The following ZNF277 variants were observed in gnomAD, a reference collection of about 807,000 sequenced individuals.
ZNF277 encodes the protein nuclear receptor-interacting factor 4.
Under a neutral mutation model 60.7 loss-of-function variants are expected in ZNF277, and 55 were observed. The observed-to-expected ratio is 0.91, with a 90% CI of 0.73 to 1.13. ZNF277 has a LOEUF of 1.13. Ranked by LOEUF, ZNF277 falls within the 50% of genes most tolerant of loss-of-function variation. The pLI is 0.00. For missense variants in ZNF277, 510 were observed against 523.0 expected, an observed-to-expected ratio of 0.98 and a Z score of 0.24; for synonymous variants, 178 against 179.3, an observed-to-expected ratio of 0.99 and a Z score of 0.06.
At chr7:112,320,167 C>T (rs1792943593) in intron 5 of ZNF277, among the ~76,000 whole-genome samples, 1 of 152,074 alleles carries the variant, frequency 6.6e-6, no homozygotes, top group African/African-American at 2.4e-5. Context: ...AGTATTTGAA[C>T]ATATTAAATA....
intron 4 of ZNF277, among the ~76,000 whole-genome samples, chr7:112,300,492 CAT>C (rs1792449623): frequency 6.6e-6 from 1 of 152,062 alleles, no homozygotes; most frequent in South Asian, 2.1e-4. Context: ...AATGTGTATA[CAT>C]ATGTTTCTCA....
intron 1 of ZNF277, among the ~76,000 whole-genome samples, chr7:112,281,611 T>A (rs1791946463): frequency 6.6e-6 from 1 of 152,228 alleles, no homozygotes; most frequent in Non-Finnish European, 1.5e-5. Context: ...GCACTAAACA[T>A]CTGGCTGTAA....
At chr7:112,255,237 T>G (rs2117015127) in intron 1 of ZNF277, among the ~76,000 whole-genome samples, 1 of 152,304 alleles carries the variant, frequency 6.6e-6, no homozygotes, top group Non-Finnish European at 1.5e-5. Context: ...GTAAAAAAAG[T>G]GATTTTTTTT....
chr7:112,320,672 A>G (rs1435342318), intron 5 of ZNF277, among the ~76,000 whole-genome samples: 1 of 152,084 alleles, frequency 6.6e-6, no homozygotes, highest in Non-Finnish European at 1.5e-5. Flanking sequence ...CTTTGAATCG[A>G]AAGTATATCT....
chr7:112,253,619 C>T (rs540952346), intron 1 of ZNF277, among the ~76,000 whole-genome samples: 5 of 152,260 alleles, frequency 3.3e-5, no homozygotes, highest in East Asian at 3.9e-4. Context: ...ATAGCTCATC[C>T]TTCCCATGTA....
At chr7:112,279,896 G>C (rs952724391) in intron 1 of ZNF277, among the ~76,000 whole-genome samples, 2 of 152,084 alleles carry the variant, frequency 1.3e-5, no homozygotes, top group Non-Finnish European at 2.9e-5. Flanking sequence ...AGGATGGATT[G>C]GTTGTGCTGT....
chr7:112,284,211 A>G (rs1792010121), intron 1 of ZNF277, among the ~76,000 whole-genome samples: 1 of 152,240 alleles, frequency 6.6e-6, no homozygotes, highest in Admixed American at 6.5e-5. Flanking sequence ...AATAGCAAGT[A>G]GCTGATAAAT....
At chr7:112,315,926 T>C (rs772550059) in intron 4 of ZNF277, among the ~76,000 whole-genome samples, 2 of 152,156 alleles carry the variant, frequency 1.3e-5, no homozygotes, top group Non-Finnish European at 2.9e-5. Context: ...TCCAGATCAC[T>C]GTCCCCTGGC....
chr7:112,249,500 T>G (rs1304890877), intron 1 of ZNF277, among the ~76,000 whole-genome samples: 4 of 151,960 alleles, frequency 2.6e-5, no homozygotes, highest in African/African-American at 9.7e-5. Flanking sequence ...CTTTGCAAAC[T>G]TAGTTGATAG....
Position 112,263,288 on chromosome 7 carries a change from T to G in ZNF277, c.92-23585T>G, listed in dbSNP as rs189816076. 2.2e-3 allele frequency among the ~76,000 whole-genome samples: 338 copies of G among 152,260 alleles called. 4 individuals carry two copies. Among genetic ancestry groups the G allele is most frequent in the Non-Finnish European group, 2.0e-3 (135 of 68,006 alleles). On this transcript the variant is annotated intron_variant, in intron 1 of 11. Transcript: ENST00000361822. ...AGGGTGTATGGGGATTGGGTCCCAT[T>G]AGCTATGGCAGTATAGTCATTAAAT...
At chr7:112,342,299 C>G (rs1483725336) in intron 11 of ZNF277, among the ~76,000 whole-genome samples, 1 of 152,094 alleles carries the variant, frequency 6.6e-6, no homozygotes, top group Non-Finnish European at 1.5e-5. Context: ...GGCCAGCGGA[C>G]AACTCCAGAG....
chr7:112,342,730 G>T lies in ZNF277; in HGVS notation c.*1G>T. ...TATTTTGAACCAGTTGCTACTATAA[G>T]AGTACTTGAAAACCTAGAAGAAACT... On this transcript the variant is annotated 3_prime_UTR_variant, in exon 12 of 12. Coordinates refer to ENST00000361822, the MANE Select transcript of ZNF277 (RefSeq NM_021994.3). 1 of 1,584,630 alleles carries T rather than the reference G, an allele frequency of 6.3e-7. No individual in the cohort carries two copies. The highest frequency in any genetic ancestry group is 1.1e-5 in the South Asian group (1 of 87,016).
intron 5 of ZNF277, among the ~76,000 whole-genome samples, chr7:112,318,628 A>G (rs924637862): frequency 3.3e-5 from 5 of 152,114 alleles, no homozygotes; most frequent in African/African-American, 2.4e-5. Flanking sequence ...TATTAAAAAT[A>G]AAGACATAAA....
chr7:112,277,208 T>C (rs984532163), intron 1 of ZNF277, among the ~76,000 whole-genome samples: 1 of 148,786 alleles, frequency 6.7e-6, no homozygotes, highest in Non-Finnish European at 1.5e-5. Flanking sequence ...CTCAGCCCCC[T>C]GAGTAGCTGG....
intron 5 of ZNF277, 54 bp from the exon 6 acceptor site, chr7:112,327,663 A>G: frequency 7.1e-7 from 1 of 1,414,432 alleles, no homozygotes; most frequent in Non-Finnish European, 9.9e-7. Context: ...TTCCAACCCA[A>G]ATGTGTTCTT....
intron 1 of ZNF277, among the ~76,000 whole-genome samples, chr7:112,280,096 G>T (rs968047624): frequency 6.6e-6 from 1 of 152,192 alleles, no homozygotes; most frequent in African/African-American, 2.4e-5. Context: ...TTGACTCAGA[G>T]CAGCGTGTGG....
chr7:112,301,263 A>T (rs1371106624), intron 4 of ZNF277, among the ~76,000 whole-genome samples: 2 of 151,884 alleles, frequency 1.3e-5, no homozygotes, highest in African/African-American at 4.8e-5. Flanking sequence ...TCAGCCTCCT[A>T]AGGTGCTGGA....
chr7:112,315,174 C>T (rs1458713591), intron 4 of ZNF277, among the ~76,000 whole-genome samples: 2 of 152,020 alleles, frequency 1.3e-5, no homozygotes, highest in African/African-American at 4.8e-5. Flanking sequence ...AAATAACTCC[C>T]CCGACGCTCA....
At chr7:112,231,578 G>A (rs1404377695) in intron 1 of ZNF277, among the ~76,000 whole-genome samples, 1 of 149,452 alleles carries the variant, frequency 6.7e-6, no homozygotes, top group Non-Finnish European at 1.5e-5. Flanking sequence ...AATTTTTCAG[G>A]TTGTTTTTTG....
Sources: gnomAD v4.1 joint callset for allele counts (sites outside exome capture counted in the v4.1 genomes callset) on GRCh38, gnomAD v4.1.1 for gene constraint, MANE v1.5 for transcripts, NCBI Gene and HGNC (gene_info 2026-07-23, HGNC 2026-07-21) for gene names.